The following CMTM4 variants were observed in gnomAD, a reference collection of about 807,000 sequenced individuals.
The protein encoded by CMTM4 is CKLF like MARVEL transmembrane domain containing 4.
CMTM4 carries 8 observed loss-of-function variants against 19.0 expected under a neutral mutation model. The ratio of observed to expected loss-of-function variants is 0.42; its 90% CI spans 0.25 to 0.76. The LOEUF is 0.76. Among genes scored for constraint, CMTM4 ranks in the 30% least tolerant of loss-of-function variants. The pLI is 0.27. For missense variants in CMTM4, 228 were observed against 290.2 expected, an observed-to-expected ratio of 0.79 and a Z score of 1.56; for synonymous variants, 106 against 121.1, an observed-to-expected ratio of 0.88 and a Z score of 0.82.
chr16:66,630,275 C>T (rs1409538735), intron 2 of CMTM4, among the ~76,000 whole-genome samples: 4 of 148,242 alleles, frequency 2.7e-5, no homozygotes, highest in Non-Finnish European at 3.0e-5. Context: ...AAAAAAAACA[C>T]AAGACTTTCC....
chr16:66,677,307 G>T (rs1184859663), intron 1 of CMTM4, among the ~76,000 whole-genome samples: 1 of 152,232 alleles, frequency 6.6e-6, no homozygotes, highest in Non-Finnish European at 1.5e-5. Context: ...AAGACAGGTG[G>T]GGGCAGGGAA....
chr16:66,612,512 G>A (rs2015417910), downstream of CMTM4: 1 of 1,294,848 alleles, frequency 7.7e-7, no homozygotes, highest in Admixed American at 1.9e-5. The surrounding 1 kb of genome is among the most constrained non-coding windows in gnomAD (Gnocchi z 6.0). Flanking sequence ...CTGCACCCAG[G>A]CTCCTGCCAG....
chr16:66,636,061 A>G (rs1008901328), intron 2 of CMTM4, among the ~76,000 whole-genome samples: 6 of 152,192 alleles, frequency 3.9e-5, no homozygotes, highest in Non-Finnish European at 7.3e-5. Flanking sequence ...AATGGCTTTT[A>G]GGTCCAGTCT....
Position 66,622,944 on chromosome 16 carries a change from G to A in CMTM4, c.462+460C>T, listed in dbSNP as rs1368381395. The stretch of plus-strand genomic sequence containing the variant: ...AATACAGAAATGCAGGGCATGGAGA[G>A]GGGAAGTCCTACATTATCTGGTCCC... On this transcript the variant is annotated intron_variant, in intron 3 of 3. Transcript: ENST00000394106. The surrounding 1 kb of genome is among the most constrained non-coding windows in gnomAD (Gnocchi z 4.0). 1.3e-5 allele frequency among the ~76,000 whole-genome samples: 2 copies of A among 152,204 alleles called. No homozygotes were observed. The highest frequency in any genetic ancestry group is 2.9e-5 in the Non-Finnish European group (2 of 68,026).
chr16:66,622,356 G>T lies in CMTM4; in HGVS notation c.463-134C>A. On this transcript the variant is annotated intron_variant, in intron 3 of 3. Transcript: ENST00000394106. This position sits in a 1 kb window ranked among gnomAD's most constrained non-coding sequence, Gnocchi z 4.0. Reference sequence around the variant, plus strand: ...TTACAACCCTGTGCCTTCATTCCTTGATCTCTTCCCCCTCTCAGCAGCCCC... The same window carrying T: ...TTACAACCCTGTGCCTTCATTCCTTTATCTCTTCCCCCTCTCAGCAGCCCC... 2 of 953,180 alleles carry T rather than the reference G, an allele frequency of 2.1e-6. No individual in the cohort carries two copies. Among genetic ancestry groups the T allele is most frequent in the Non-Finnish European group, 3.1e-6 (2 of 645,518 alleles). The allele number at this position is 953,180 out of a possible 1,614,324, so 59.0% of individuals were successfully genotyped here. A position where few individuals can be genotyped will look rare whatever the true frequency, so the allele number is the denominator to read the frequency against.
intron 1 of CMTM4, among the ~76,000 whole-genome samples, chr16:66,652,337 A>G (rs1169999287): frequency 1.3e-5 from 2 of 152,076 alleles, no homozygotes; most frequent in African/African-American, 4.8e-5. Flanking sequence ...CTTACCGCAG[A>G]CCCCTGAAGG....
At chr16:66,614,560 G>T (rs1019914998), downstream of CMTM4, among the ~76,000 whole-genome samples, 6 of 152,218 alleles carry the variant, frequency 3.9e-5, no homozygotes, top group Admixed American at 3.3e-4. This position sits in a 1 kb window ranked among gnomAD's most constrained non-coding sequence, Gnocchi z 4.9. Context: ...GAGTGGAGAG[G>T]CCCCTGGTGG....
chr16:66,630,320 C>A (rs1596910095), intron 2 of CMTM4, among the ~76,000 whole-genome samples: 2 of 100,216 alleles, frequency 2.0e-5, no homozygotes, highest in Non-Finnish European at 2.0e-5. Context: ...CCCTCCCCCT[C>A]CCCCCTCCCT....
chr16:66,626,486 G>T (rs1346391612), intron 2 of CMTM4, among the ~76,000 whole-genome samples: 3 of 152,140 alleles, frequency 2.0e-5, no homozygotes, highest in African/African-American at 7.2e-5. Flanking sequence ...GCACCATGTA[G>T]TCCCAGTTAC....
chr16:66,612,565 T>A (rs781134125), downstream of CMTM4: 9 of 1,609,076 alleles, frequency 5.6e-6, no homozygotes, highest in African/African-American at 6.7e-5. The surrounding 1 kb of genome is among the most constrained non-coding windows in gnomAD (Gnocchi z 6.0). Context: ...CAGGCACCGC[T>A]GCCCTGAGCC....
intron 1 of CMTM4, among the ~76,000 whole-genome samples, chr16:66,647,195 G>A (rs1567414851): frequency 6.6e-6 from 1 of 151,220 alleles, no homozygotes; most frequent in Non-Finnish European, 1.5e-5. Context: ...GTGGTGGCAG[G>A]TGCCTGTAGT....
chr16:66,623,407 G>A lies in CMTM4; in HGVS notation c.459C>T (p.Ala153=), dbSNP rs144160189. The change falls in exon 3 of 4, where the codon GCC becomes GCT. Residue 153 remains alanine (A), a synonymous_variant. Transcript: ENST00000394106. ...LNHRAGAEIA[A]VIFGFLATAA... Reference sequence around the variant, plus strand: ...TTAACCATTTGAGTTTGCTTACCACGGCAGCAATTTCTGCTCCGGCTCTAT... The same window carrying A: ...TTAACCATTTGAGTTTGCTTACCACAGCAGCAATTTCTGCTCCGGCTCTAT... 47 of 1,612,064 alleles carry A rather than the reference G, an allele frequency of 2.9e-5. No homozygotes were observed. In the African/African-American group the frequency reaches 4.0e-4, roughly 14 times the overall value.
intron 1 of CMTM4, among the ~76,000 whole-genome samples, chr16:66,667,704 A>G (rs974330284): frequency 4.6e-5 from 7 of 152,194 alleles, no homozygotes; most frequent in African/African-American, 2.4e-5. Context: ...CCTGGTCAAC[A>G]TGGTGAAACC....
chr16:66,629,002 G>C (rs1182181132), intron 2 of CMTM4, among the ~76,000 whole-genome samples: 4 of 151,766 alleles, frequency 2.6e-5, no homozygotes, highest in Non-Finnish European at 4.4e-5. Flanking sequence ...TAGTTTTTGG[G>C]GTTTTTTTGT....
rs1022407456 is a variant in CMTM4 at position 66,636,663 on chromosome 16, A to T, written c.187-82T>A. On this transcript the variant is annotated intron_variant, in intron 1 of 3. Coordinates refer to ENST00000394106, the MANE Select transcript of CMTM4 (RefSeq NM_181521.3). Reference sequence around the variant, plus strand: ...CATACGTACCTGCCATGCTTATATAACACTGAACAACAACATACTGCCACT... The same window carrying T: ...CATACGTACCTGCCATGCTTATATATCACTGAACAACAACATACTGCCACT... 13 of 1,102,100 alleles carry T rather than the reference A, an allele frequency of 1.2e-5. No individual in the cohort carries two copies. The African/African-American group carries it at 1.7e-4, about 14-fold the overall frequency. 68.3% of individuals were successfully genotyped at this position (1,102,100 alleles called of 1,614,324 possible). A position where few individuals can be genotyped will look rare whatever the true frequency, so the allele number is the denominator to read the frequency against.
intron 2 of CMTM4, among the ~76,000 whole-genome samples, chr16:66,635,456 C>T (rs2015972961): frequency 6.6e-6 from 1 of 152,202 alleles, no homozygotes; most frequent in South Asian, 2.1e-4. Flanking sequence ...AGGAGAGCAG[C>T]CCTGACAGGG....
chr16:66,677,560 A>G (rs2016831119), intron 1 of CMTM4, among the ~76,000 whole-genome samples: 1 of 152,216 alleles, frequency 6.6e-6, no homozygotes, highest in African/African-American at 2.4e-5. Flanking sequence ...CACTCATCAA[A>G]TGTTTCCCAC....
chr16:66,604,591 C>T, the CMTM4 span: 2 of 311,968 alleles, frequency 6.4e-6, no homozygotes, highest in East Asian at 5.0e-5. Context: ...GGGGAGGGGG[C>T]GGGTCGGGCC....
chr16:66,633,227 T>C (rs929204891), intron 2 of CMTM4, among the ~76,000 whole-genome samples: 6 of 151,086 alleles, frequency 4.0e-5, no homozygotes, highest in Admixed American at 2.6e-4. Flanking sequence ...CATCAAATTA[T>C]GCTTGTAGAA....
Sources: allele counts gnomAD v4.1 joint callset (sites outside exome capture counted in the v4.1 genomes callset), GRCh38; gene constraint gnomAD v4.1.1; non-coding constraint Gnocchi (gnomAD v3.1); transcripts MANE v1.5; gene names NCBI Gene and HGNC (gene_info 2026-07-23, HGNC 2026-07-21).